RNF150: variants seen among roughly 807,000 people sequenced by gnomAD.
RNF150 encodes ring finger protein 150.
RNF150 carries 24 observed loss-of-function variants against 39.3 expected under a neutral mutation model. The observed-to-expected ratio is 0.61, with a 90% CI of 0.44 to 0.86. RNF150 has a LOEUF of 0.86. Ranked by LOEUF, RNF150 falls within the 40% of genes least tolerant of loss-of-function variation. The pLI is 0.00. For missense variants in RNF150, 502 were observed against 587.8 expected (o/e 0.85, Z 1.51); for synonymous variants, 255 against 227.3 (o/e 1.12, Z -1.10).
At chr4:141,193,701 A>C (rs1436316987) in intron 1 of RNF150, among the ~76,000 whole-genome samples, 1 of 152,180 alleles carries the variant, frequency 6.6e-6, no homozygotes, top group African/African-American at 2.4e-5. Flanking sequence ...GTGGCACAAT[A>C]GAGCAGGATG....
chr4:140,868,112 A>T lies in RNF150; in HGVS notation c.*149T>A. 1 of 602,344 alleles carries T rather than the reference A, an allele frequency of 1.7e-6. No individual in the cohort carries two copies. Among genetic ancestry groups the T allele is most frequent in the Non-Finnish European group, 3.0e-6 (1 of 335,606 alleles). The allele number at this position is 602,344 out of a possible 1,614,324, so 37.3% of individuals were successfully genotyped here. A position where few individuals can be genotyped will look rare whatever the true frequency, so the allele number is the denominator to read the frequency against. On this transcript the variant is annotated 3_prime_UTR_variant, in exon 7 of 7. Transcript: ENST00000515673. ...TGCATCCTGATTGACAAGACTTTGGATATTGCTTTTCGTCAGCATTCTTGA... is the reference window on the plus strand; with the variant it reads ...TGCATCCTGATTGACAAGACTTTGGTTATTGCTTTTCGTCAGCATTCTTGA...
intron 1 of RNF150, among the ~76,000 whole-genome samples, chr4:141,041,445 G>A (rs1332228018): frequency 6.6e-6 from 1 of 152,050 alleles, no homozygotes; most frequent in South Asian, 2.1e-4. Context: ...GACAGAGGAA[G>A]AGAACAAATT....
intron 1 of RNF150, among the ~76,000 whole-genome samples, chr4:141,023,058 AAAT>A (rs1485249586): frequency 2.0e-5 from 3 of 152,348 alleles, no homozygotes; most frequent in East Asian, 1.9e-4. Flanking sequence ...CCAAGTTTAG[AAAT>A]AATGAGAGAA....
At chr4:140,889,587 C>T (rs535481725) in intron 6 of RNF150, among the ~76,000 whole-genome samples, 6 of 151,816 alleles carry the variant, frequency 4.0e-5, no homozygotes, top group Non-Finnish European at 8.8e-5. Context: ...TTTTGGTGGG[C>T]GGAAAGAGAG....
At chr4:141,005,079 G>T (rs938713858) in intron 1 of RNF150, among the ~76,000 whole-genome samples, 3 of 152,152 alleles carry the variant, frequency 2.0e-5, no homozygotes, top group Non-Finnish European at 4.4e-5. Context: ...GAGGGAGGAA[G>T]AATGAGGGAG....
chr4:141,089,842 C>T (rs55938038), intron 1 of RNF150, among the ~76,000 whole-genome samples: 23,083 of 152,166 alleles, frequency 0.15, 1,861 homozygotes, highest in Middle Eastern at 0.24. Context: ...TACCTGAAGG[C>T]AAATCTACAG....
chr4:140,896,945 A>T (rs1206410292), intron 6 of RNF150, among the ~76,000 whole-genome samples: 1 of 152,136 alleles, frequency 6.6e-6, no homozygotes, highest in African/African-American at 2.4e-5. Flanking sequence ...GCTAGGATTA[A>T]ACCTCCATCA....
chr4:140,931,870 A>T (rs1208796695), intron 4 of RNF150, among the ~76,000 whole-genome samples: 1 of 152,248 alleles, frequency 6.6e-6, no homozygotes, highest in Non-Finnish European at 1.5e-5. Flanking sequence ...TGACAAACCA[A>T]GCTAATCTAA....
intron 6 of RNF150, among the ~76,000 whole-genome samples, chr4:140,895,184 G>A (rs558576518): frequency 7.2e-5 from 11 of 152,276 alleles, no homozygotes; most frequent in African/African-American, 2.6e-4. Context: ...GGCTAATTGG[G>A]ATTTCTGAGA....
At chr4:140,991,518 A>C (rs1455990191) in intron 1 of RNF150, among the ~76,000 whole-genome samples, 1 of 152,032 alleles carries the variant, frequency 6.6e-6, no homozygotes, top group Non-Finnish European at 1.5e-5. Context: ...TCTTGAGTTA[A>C]TTTTTGTTTG....
In RNF150 at chr4:140,933,773, A is replaced by G. The variant is rs150049670; in HGVS notation, c.891-7700T>C. On this transcript the variant is annotated intron_variant, in intron 4 of 6. Transcript: ENST00000515673. ...TCACATCATTAAGTTATTTCCTTCTATACTTTTCCATCTTTCTATGTCTCC... is the reference window on the plus strand; with the variant it reads ...TCACATCATTAAGTTATTTCCTTCTGTACTTTTCCATCTTTCTATGTCTCC... Among the ~76,000 whole-genome samples the G allele has an allele frequency of 4.9e-3, 752 of 152,258 alleles. 3 individuals are homozygous for G. The highest frequency in any genetic ancestry group is 0.017 in the African/African-American group (713 of 41,552).
intron 1 of RNF150, among the ~76,000 whole-genome samples, chr4:141,167,922 C>G (rs1246481263): frequency 6.6e-6 from 1 of 152,112 alleles, no homozygotes; most frequent in Non-Finnish European, 1.5e-5. Context: ...GCAATGGCAA[C>G]AAAAGCCAAA....
chr4:140,940,760 A>C (rs2111356277), intron 4 of RNF150, among the ~76,000 whole-genome samples: 1 of 152,322 alleles, frequency 6.6e-6, no homozygotes, highest in African/African-American at 2.4e-5. Context: ...TTCAGGAATA[A>C]CCTACCCCTT....
At chr4:141,175,592 C>G (rs1243953144) in intron 1 of RNF150, among the ~76,000 whole-genome samples, 2 of 152,184 alleles carry the variant, frequency 1.3e-5, no homozygotes, top group Non-Finnish European at 2.9e-5. Flanking sequence ...TATTAACACT[C>G]TCCTCCCTAC....
At chr4:141,030,097 G>A (rs1735876567) in intron 1 of RNF150, among the ~76,000 whole-genome samples, 1 of 151,998 alleles carries the variant, frequency 6.6e-6, no homozygotes, top group African/African-American at 2.4e-5. Context: ...TGGGAGGCGA[G>A]GCAGGAGAAT....
chr4:140,927,117 C>T (rs1731430637), intron 4 of RNF150, among the ~76,000 whole-genome samples: 1 of 152,088 alleles, frequency 6.6e-6, no homozygotes, highest in African/African-American at 2.4e-5. Context: ...TAAAAAGTAC[C>T]TCCAAATCAG....
At chr4:141,175,269 T>C (rs1386584215) in intron 1 of RNF150, among the ~76,000 whole-genome samples, 1 of 152,218 alleles carries the variant, frequency 6.6e-6, no homozygotes, top group African/African-American at 2.4e-5. Context: ...GTTGAGCTCC[T>C]ATTATATTAC....
At chr4:141,191,663 T>A (rs1728111149) in intron 1 of RNF150, among the ~76,000 whole-genome samples, 1 of 152,244 alleles carries the variant, frequency 6.6e-6, no homozygotes, top group South Asian at 2.1e-4. Flanking sequence ...ACAAAATGTT[T>A]AATTCATACA....
chr4:141,203,740 GT>G (rs1728329693), intron 1 of RNF150, among the ~76,000 whole-genome samples: 2 of 140,434 alleles, frequency 1.4e-5, no homozygotes, highest in South Asian at 4.8e-4. Flanking sequence ...ATAGAGAAAA[GT>G]CCCCCTGAGA....
Sources: gnomAD v4.1 joint callset for allele counts (sites outside exome capture counted in the v4.1 genomes callset) on GRCh38, gnomAD v4.1.1 for gene constraint, MANE v1.5 for transcripts, NCBI Gene and HGNC (gene_info 2026-07-23, HGNC 2026-07-21) for gene names.